The following SH3GL3 variants were observed in gnomAD, a reference collection of about 807,000 sequenced individuals.
SH3GL3 encodes SH3 domain containing GRB2 like 3, endophilin A3, also known as endophilin-A3.
In SH3GL3, 33 loss-of-function variants were observed where a neutral mutation model predicts 47.7. The ratio of observed to expected loss-of-function variants is 0.69; its 90% confidence interval spans 0.52 to 0.92. SH3GL3 has a LOEUF of 0.92. SH3GL3 is among the 40% of genes least tolerant of loss of function. The pLI is 0.00. For synonymous variants in SH3GL3, 155 were observed against 148.8 expected, an observed-to-expected ratio of 1.04 and a Z score of -0.30; for missense variants, 363 against 417.8, an observed-to-expected ratio of 0.87 and a Z score of 1.14.
intron 1 of SH3GL3, among the ~76,000 whole-genome samples, chr15:83,556,143 T>C (rs1407756564): frequency 1.3e-5 from 2 of 151,560 alleles, no homozygotes; most frequent in African/African-American, 4.9e-5. Flanking sequence ...CCTTGTAACC[T>C]TGGAAGGAGG....
chr15:83,448,886 G>A lies in SH3GL3; in HGVS notation c.45+1308G>A, dbSNP rs765716579. ...AGGTGTTAAGGAGCCCTGGAGGAGA[G>A]GCTATTCAGGTGAGGGTGGAGATGA... is the stretch of plus-strand genomic sequence containing the variant. On this transcript the variant is annotated intron_variant, in intron 1 of 8. Coordinates refer to ENST00000427482, the MANE Select transcript of SH3GL3 (RefSeq NM_003027.5). This position sits in a 1 kb window ranked among gnomAD's most constrained non-coding sequence, Gnocchi z 4.2. Among the ~76,000 whole-genome samples the A allele has an allele frequency of 6.6e-6, 1 of 152,154 alleles. No individual in the cohort carries two copies. The highest frequency in any genetic ancestry group is 3.2e-3 in the Middle Eastern group (1 of 316).
At chr15:83,483,585 C>G (rs1258186049) in intron 1 of SH3GL3, among the ~76,000 whole-genome samples, 1 of 152,172 alleles carries the variant, frequency 6.6e-6, no homozygotes, top group African/African-American at 2.4e-5. Flanking sequence ...ACACAGTAGA[C>G]ACTCAATATT....
intron 1 of SH3GL3, among the ~76,000 whole-genome samples, chr15:83,473,854 G>T (rs2040966874): frequency 7.1e-6 from 1 of 140,514 alleles, no homozygotes; most frequent in African/African-American, 2.5e-5. Flanking sequence ...GCCTGTTGGG[G>T]CTTTTTTTTT....
chr15:83,537,756 G>A (rs2043977602), intron 1 of SH3GL3, among the ~76,000 whole-genome samples: 1 of 151,996 alleles, frequency 6.6e-6, no homozygotes, highest in South Asian at 2.1e-4. Flanking sequence ...TATATTGGTT[G>A]GCTTTATCCT....
chr15:83,473,181 C>T (rs983858992), intron 1 of SH3GL3, among the ~76,000 whole-genome samples: 8 of 128,798 alleles, frequency 6.2e-5, no homozygotes, highest in African/African-American at 1.2e-4. Flanking sequence ...CTGATGGAGG[C>T]GAAAGTTCAG....
chr15:83,475,904 T>G (rs1259416377), intron 1 of SH3GL3, among the ~76,000 whole-genome samples: 1 of 152,220 alleles, frequency 6.6e-6, no homozygotes, highest in East Asian at 1.9e-4. Context: ...AAATAAATAA[T>G]TAGGAGTAAG....
chr15:83,613,721 C>A (rs764043702), intron 8 of SH3GL3, among the ~76,000 whole-genome samples: 30 of 151,944 alleles, frequency 2.0e-4, no homozygotes, highest in Non-Finnish European at 3.7e-4. Flanking sequence ...GTCTTGGCAA[C>A]CCTTAGTGGT....
chr15:83,609,620 C>T (rs562873240), intron 8 of SH3GL3, among the ~76,000 whole-genome samples: 30 of 152,188 alleles, frequency 2.0e-4, no homozygotes, highest in Admixed American at 3.3e-4. Context: ...ATGCTCTGAC[C>T]GAATGCTTCC....
the SH3GL3 span, among the ~76,000 whole-genome samples, chr15:83,631,858 T>A: frequency 1.4e-4 from 22 of 152,258 alleles, no homozygotes; most frequent in Admixed American, 3.3e-4. Flanking sequence ...CGGCTCCTTA[T>A]TGCTTATACA....
downstream of SH3GL3, among the ~76,000 whole-genome samples, chr15:83,623,525 T>C (rs1288208906): frequency 6.6e-6 from 1 of 152,226 alleles, no homozygotes; most frequent in Non-Finnish European, 1.5e-5. Context: ...AAATGCTTTC[T>C]CAAGTCCCTG....
chr15:83,561,557 A>G (rs971406111), intron 2 of SH3GL3, among the ~76,000 whole-genome samples: 3 of 152,184 alleles, frequency 2.0e-5, no homozygotes, highest in Non-Finnish European at 4.4e-5. Context: ...GTAGAAATCA[A>G]TATGGATAAA....
At chr15:83,584,158 C>T (rs2059903159) in intron 6 of SH3GL3, among the ~76,000 whole-genome samples, 1 of 152,186 alleles carries the variant, frequency 6.6e-6, no homozygotes. Context: ...CCAGCTTCTA[C>T]AGGCCACCTG....
intron 1 of SH3GL3, among the ~76,000 whole-genome samples, chr15:83,496,358 C>CAAAA (rs57113409): frequency 1.1e-5 from 1 of 89,518 alleles, no homozygotes; most frequent in African/African-American, 4.2e-5. Flanking sequence ...GATTATGTCT[C>CAAAA]AAAAAAAAAA....
At chr15:83,599,203 A>G (rs913960104) in intron 8 of SH3GL3, among the ~76,000 whole-genome samples, 2 of 151,942 alleles carry the variant, frequency 1.3e-5, no homozygotes, top group Non-Finnish European at 2.9e-5. Flanking sequence ...TTGGTATTCT[A>G]ATTTTTTTCC....
intron 1 of SH3GL3, among the ~76,000 whole-genome samples, chr15:83,508,576 G>T (rs903123764): frequency 6.6e-6 from 1 of 151,884 alleles, no homozygotes; most frequent in African/African-American, 2.4e-5. Context: ...GACAAGATGG[G>T]CTTACTTTTT....
In SH3GL3 at chr15:83,479,170, G is replaced by A. The variant is rs543792292; in HGVS notation, c.45+31592G>A. ...AGCCTTCAAAGGCTGAGTATATTTG[G>A]GATTGACTCTGAAGGGGGAATCCCC... On this transcript the variant is annotated intron_variant, in intron 1 of 8. Coordinates refer to ENST00000427482, the MANE Select transcript of SH3GL3 (RefSeq NM_003027.5). Among the ~76,000 whole-genome samples, 15 of 152,286 alleles carry A rather than the reference G, an allele frequency of 9.8e-5. No homozygotes were observed. The South Asian group carries it at 3.1e-3, about 32-fold the overall frequency.
At chr15:83,624,911 G>A in the SH3GL3 span, among the ~76,000 whole-genome samples, 182 of 152,254 alleles carry the variant, frequency 1.2e-3, 4 homozygotes, top group East Asian at 0.032. Context: ...TTTAGGAGCC[G>A]CTTTTCATCT....
Position 83,526,499 on chromosome 15 carries a change from A to G in SH3GL3, c.46-32754A>G, listed in dbSNP as rs141204943. ...CAATGCAGCCTTAAAAAAGAGTGAGATCATGTCATTTGCAGGAGCATAAAT... is the reference window on the plus strand; with the variant it reads ...CAATGCAGCCTTAAAAAAGAGTGAGGTCATGTCATTTGCAGGAGCATAAAT... On this transcript the variant is annotated intron_variant, in intron 1 of 8. Transcript: ENST00000427482. 3.9e-3 allele frequency among the ~76,000 whole-genome samples: 590 copies of G among 152,292 alleles called. 2 individuals carry two copies. The highest frequency in any genetic ancestry group is 6.7e-3 in the Non-Finnish European group (459 of 68,020).
At chr15:83,489,548 C>T (rs536666018) in intron 1 of SH3GL3, among the ~76,000 whole-genome samples, 22 of 152,280 alleles carry the variant, frequency 1.4e-4, no homozygotes, top group Admixed American at 4.6e-4. Flanking sequence ...TATTTGCAAA[C>T]GACATTATTC....
Sources: allele counts gnomAD v4.1 joint callset (sites outside exome capture counted in the v4.1 genomes callset), GRCh38; gene constraint gnomAD v4.1.1; non-coding constraint Gnocchi (gnomAD v3.1); transcripts MANE v1.5; gene names NCBI Gene and HGNC (gene_info 2026-07-23, HGNC 2026-07-21).